The following CNTNAP3B variants were observed in gnomAD, a reference collection of about 807,000 sequenced individuals.
CNTNAP3B encodes the protein contactin associated protein family member 3B, also known as contactin-associated protein-like 3B.
CNTNAP3B carries 25 observed loss-of-function variants against 108.9 expected under a neutral mutation model. The observed-to-expected ratio is 0.23, with a 90% confidence interval of 0.17 to 0.32. The LOEUF is 0.32. Ranked by LOEUF, CNTNAP3B falls within the 10% of genes least tolerant of loss-of-function variation. CNTNAP3B has a pLI of 1.00. For missense variants in CNTNAP3B, 252 were observed against 1,210.4 expected (o/e 0.21, Z 11.75); for synonymous variants, 103 against 473.4 (o/e 0.22, Z 10.16).
intron 1 of CNTNAP3B, among the ~76,000 whole-genome samples, chr9:42,121,313 T>C (rs1279816091): frequency 1.4e-5 from 2 of 139,562 alleles, no homozygotes; most frequent in Non-Finnish European, 3.1e-5. Context: ...TTCCCTCTTT[T>C]ATGAGCTCAC....
At chr9:41,965,241 C>CT (rs1208076180) in intron 10 of CNTNAP3B, among the ~76,000 whole-genome samples, 7 of 152,284 alleles carry the variant, frequency 4.6e-5, no homozygotes, top group Non-Finnish European at 8.8e-5. Flanking sequence ...ATCTCAATGC[C>CT]TTTTTTTGCA....
intron 12 of CNTNAP3B, chr9:41,959,988 T>G (rs1171192971): frequency 6.6e-6 from 1 of 151,086 alleles, no homozygotes. Context: ...TGTTCATTTC[T>G]TTTTTTCCTT....
chr9:41,969,320 TTGAG>T (rs1258907017), intron 10 of CNTNAP3B, among the ~76,000 whole-genome samples: 4 of 149,996 alleles, frequency 2.7e-5, no homozygotes, highest in Non-Finnish European at 5.9e-5. Context: ...CCATATTTCA[TTGAG>T]TATGTCCTTC....
Position 41,953,332 on chromosome 9 carries a change from C to G in CNTNAP3B, c.1931G>C (p.Arg644Pro). Residue 644 changes from arginine (R) to proline (P), a missense_variant, in exon 13 of 24, where the codon CGA becomes CCA. By Grantham distance (103) the Arg-to-Pro change is moderately radical. Transcript: ENST00000377561. ...RHGGPDAVTL[R>P]GAPSGHPLSA... is the part of the protein sequence containing the mutation. ...GAGCGGGTGCCCGCTGGGGGCACCT[C>G]GGAGGGTCACCGCGTCGGGGCCACC... The G allele has an allele frequency of 6.4e-7, 1 of 1,550,758 alleles. No homozygotes were observed. Among genetic ancestry groups the G allele is most frequent in the South Asian group, 1.2e-5 (1 of 85,360 alleles).
chr9:41,935,236 C>CT (rs1196854430), intron 14 of CNTNAP3B, among the ~76,000 whole-genome samples: 4 of 152,322 alleles, frequency 2.6e-5, no homozygotes, highest in South Asian at 2.1e-4. Context: ...TGATCATAAA[C>CT]TTTTTTTTAA....
chr9:42,127,657 G>A (rs188506962), intron 1 of CNTNAP3B, among the ~76,000 whole-genome samples: 1 of 139,696 alleles, frequency 7.2e-6, no homozygotes, highest in East Asian at 2.2e-4. Context: ...TATTCACAAA[G>A]CCCTCTCACA....
chr9:42,095,079 ACT>A (rs1349813793), intron 2 of CNTNAP3B, among the ~76,000 whole-genome samples: 1 of 135,304 alleles, frequency 7.4e-6, no homozygotes, highest in Non-Finnish European at 1.6e-5. Context: ...ACACTTATTA[ACT>A]CTATTCACTA....
intron 13 of CNTNAP3B, among the ~76,000 whole-genome samples, chr9:41,941,387 A>T (rs1345009429): frequency 1.7e-3 from 250 of 147,752 alleles, no homozygotes; most frequent in Non-Finnish European, 2.8e-3. Context: ...TAAATTTGAA[A>T]GAAAGCAGAA....
Position 41,986,187 on chromosome 9 carries a change from A to G in CNTNAP3B, c.1458T>C (p.Gly486=), listed in dbSNP as rs1252218988. ...TCTTACCTCCAAAATAATAGGTGTC[A>G]CCTGAATCAATGAGCACAGCCACCA... ...QPLVAVLIDS[G]DTYYFGGCLG... is the part of the protein sequence containing the mutation. Residue 486 remains glycine (G), a synonymous_variant, in exon 9 of 24, where the codon GGT becomes GGC. Transcript: ENST00000377561. The G allele has an allele frequency of 1.8e-6, 2 of 1,129,988 alleles. 1 individual carries two copies. The highest frequency in any genetic ancestry group is 4.1e-5 in the African/African-American group (2 of 48,844). 70.0% of individuals were successfully genotyped at this position (1,129,988 alleles called of 1,614,324 possible). A position where few individuals can be genotyped will look rare whatever the true frequency, so the allele number is the denominator to read the frequency against.
chr9:42,099,208 T>C (rs79960552), intron 2 of CNTNAP3B, among the ~76,000 whole-genome samples: 33,746 of 105,738 alleles, frequency 0.32, 7,681 homozygotes, highest in East Asian at 0.55. Flanking sequence ...TTTATTTTCT[T>C]TACAATATTG....
At position 41,934,122 on chromosome 9, in the gene CNTNAP3B, T is replaced by TATATATATATATATAC. The variant is rs1214326050; in HGVS notation, c.2237+4121_2237+4122insGTATATATATATATAT. Among the ~76,000 whole-genome samples, 141 of 73,400 alleles carry TATATATATATATATAC rather than the reference T, an allele frequency of 1.9e-3. 2 individuals carry two copies. The highest frequency in any genetic ancestry group is 7.5e-3 in the African/African-American group (128 of 17,014). The allele number at this position is 73,400 out of a possible 152,430, so 48.2% of individuals were successfully genotyped here. A position where few individuals can be genotyped will look rare whatever the true frequency, so the allele number is the denominator to read the frequency against. The stretch of plus-strand genomic sequence containing the variant: ...TTACATATATATATATATATATATA[T>TATATATATATATATAC]ACACACACATATATATATACACACA... On this transcript the variant is annotated intron_variant, in intron 14 of 23. Coordinates refer to ENST00000377561, the MANE Select transcript of CNTNAP3B (RefSeq NM_001201380.3).
At chr9:41,983,314 C>T (rs537655841) in intron 9 of CNTNAP3B, 1 of 99,838 alleles carries the variant, frequency 1.0e-5, no homozygotes, top group African/African-American at 3.9e-5. Context: ...TCATTAGTTT[C>T]TTTCTGGACC....
At chr9:41,915,930 T>A (rs1823505829) in intron 18 of CNTNAP3B, among the ~76,000 whole-genome samples, 2 of 151,502 alleles carry the variant, frequency 1.3e-5, no homozygotes, top group Non-Finnish European at 3.0e-5. Context: ...ATATATCTTA[T>A]CAATAATCTG....
chr9:41,926,901 G>A (rs1306052343), intron 15 of CNTNAP3B: 4 of 152,438 alleles, frequency 2.6e-5, no homozygotes, highest in Admixed American at 1.3e-4. Flanking sequence ...TCTAGAAAAT[G>A]TTTTTGAGAA....
At chr9:41,958,096 G>A (rs1447747168) in intron 12 of CNTNAP3B, among the ~76,000 whole-genome samples, 1 of 152,228 alleles carries the variant, frequency 6.6e-6, no homozygotes, top group Non-Finnish European at 1.5e-5. Flanking sequence ...TGTGTTTTTT[G>A]CCTTGAACTT....
chr9:42,035,594 G>C (rs374102284), intron 3 of CNTNAP3B, among the ~76,000 whole-genome samples: 1,547 of 148,356 alleles, frequency 0.01, 8 homozygotes, highest in South Asian at 0.044. Flanking sequence ...GTGATGGTGT[G>C]AGGAACAGTG....
intron 13 of CNTNAP3B, among the ~76,000 whole-genome samples, chr9:41,945,763 T>G (rs1824514825): frequency 6.6e-6 from 1 of 152,282 alleles, no homozygotes; most frequent in Non-Finnish European, 1.5e-5. Context: ...TAAGGTATGA[T>G]AATAATAAAA....
chr9:42,042,303 C>A (rs1437567166), intron 3 of CNTNAP3B, among the ~76,000 whole-genome samples: 2 of 119,782 alleles, frequency 1.7e-5, no homozygotes, highest in African/African-American at 6.7e-5. Flanking sequence ...ATAGATAAAC[C>A]TCTAGATATT....
intron 14 of CNTNAP3B, among the ~76,000 whole-genome samples, chr9:41,931,030 G>C (rs1276479229): frequency 2.6e-5 from 4 of 152,268 alleles, no homozygotes; most frequent in African/African-American, 7.2e-5. Context: ...TCCAGTTACG[G>C]TTAGAAACTC....
Sources: gnomAD v4.1 joint callset for allele counts (sites outside exome capture counted in the v4.1 genomes callset) on GRCh38, gnomAD v4.1.1 for gene constraint, MANE v1.5 for transcripts, NCBI Gene and HGNC (gene_info 2026-07-23, HGNC 2026-07-21) for gene names.